ZNF618: variants seen among roughly 807,000 people sequenced by gnomAD.
The protein encoded by ZNF618 is neural precursor cell expressed, developmentally down-regulated 10.
A neutral mutation model predicts 103.0 loss-of-function variants in ZNF618; 34 were observed. The observed-to-expected ratio is 0.33, with a 90% CI of 0.25 to 0.44. The LOEUF is 0.44. Among genes scored for constraint, ZNF618 ranks in the 20% least tolerant of loss-of-function variants. ZNF618 has a pLI of 1.00. For missense variants in ZNF618, 1,059 were observed against 1,295.4 expected (o/e 0.82, Z 2.80); for synonymous variants, 551 against 542.2 (o/e 1.02, Z -0.23).
intron 1 of ZNF618, among the ~76,000 whole-genome samples, chr9:113,950,386 G>T (rs1462326063): frequency 6.6e-6 from 1 of 152,178 alleles, no homozygotes; most frequent in Non-Finnish European, 1.5e-5. Context: ...GATGTGGTCA[G>T]CTTGCCGGTG....
At chr9:113,995,291 CA>C (rs1435663052) in intron 3 of ZNF618, among the ~76,000 whole-genome samples, 6 of 135,158 alleles carry the variant, frequency 4.4e-5, no homozygotes, top group Admixed American at 1.5e-4. Flanking sequence ...CATTCTCCAA[CA>C]TTTTTTTTTT....
At chr9:113,905,270 T>G (rs117704910) in intron 1 of ZNF618, among the ~76,000 whole-genome samples, 3,354 of 152,316 alleles carry the variant, frequency 0.022, 79 homozygotes, top group Middle Eastern at 0.037. Context: ...TTAGCCAGGC[T>G]GGTCTTGAAC....
At chr9:114,048,463 A>G (rs1845852785) in intron 14 of ZNF618, among the ~76,000 whole-genome samples, 188 bp from the exon 15 acceptor site, 1 of 152,204 alleles carries the variant, frequency 6.6e-6, no homozygotes, top group Admixed American at 6.5e-5. Flanking sequence ...AGGCCTTACT[A>G]ATCAATCATA....
intron 10 of ZNF618, 128 bp downstream of exon 10, chr9:114,016,912 C>G (rs1842693233): frequency 1.4e-6 from 1 of 700,758 alleles, no homozygotes; most frequent in African/African-American, 1.8e-5. Context: ...CTGGGTCAGT[C>G]TTTAGGTATT....
chr9:114,032,573 C>T (rs1335859343), intron 11 of ZNF618, 72 bp from the exon 12 acceptor site: 2 of 1,445,774 alleles, frequency 1.4e-6, no homozygotes, highest in Admixed American at 1.7e-5. Flanking sequence ...CTTCACCCAG[C>T]CTACCCCTCC....
chr9:113,971,403 A>G (rs1837950152), intron 2 of ZNF618, among the ~76,000 whole-genome samples: 1 of 152,098 alleles, frequency 6.6e-6, no homozygotes, highest in South Asian at 2.1e-4. Flanking sequence ...GGGTCTAGCC[A>G]GCCTCTCCCA....
intron 3 of ZNF618, among the ~76,000 whole-genome samples, chr9:113,990,978 CTG>C (rs540624976): frequency 1.4e-3 from 211 of 152,310 alleles, no homozygotes; most frequent in African/African-American, 4.7e-3. Context: ...TCTTTGGTAT[CTG>C]TGTGTGTTAA....
intron 1 of ZNF618, among the ~76,000 whole-genome samples, chr9:113,923,601 G>T (rs1832832679): frequency 6.6e-6 from 1 of 152,030 alleles, no homozygotes; most frequent in Non-Finnish European, 1.5e-5. Context: ...ATTTTCAAGT[G>T]GTAAACCAGT....
Position 113,876,403 on chromosome 9 carries a change from C to A in ZNF618, c.23C>A (p.Ala8Glu). MNQPGGA[A>E]APQADGASAA... The stretch of plus-strand genomic sequence containing the variant: ...CCCATGAACCAGCCGGGCGGCGCGG[C>A]GGCTCCGCAGGTACGACGGGGGGCC... The change falls in exon 1 of 15, where the codon GCG becomes GAG. Residue 8 changes from alanine (A) to glutamate (E), a missense_variant. By Grantham distance (107) the Ala-to-Glu change is moderately radical. Coordinates refer to ENST00000374126, the MANE Select transcript of ZNF618 (RefSeq NM_001318042.2). 1 of 1,200,848 alleles carries A rather than the reference C, an allele frequency of 8.3e-7. No individual in the cohort carries two copies. Among genetic ancestry groups the A allele is most frequent in the Non-Finnish European group, 1.0e-6 (1 of 968,334 alleles). 74.4% of individuals were successfully genotyped at this position (1,200,848 alleles called of 1,614,324 possible).
At chr9:113,981,806 G>A (rs1839003822) in intron 2 of ZNF618, among the ~76,000 whole-genome samples, 1 of 152,240 alleles carries the variant, frequency 6.6e-6, no homozygotes. Context: ...CCTTGGCCAT[G>A]CCTTTCCTTC....
intron 14 of ZNF618, 47 bp downstream of exon 14, chr9:114,048,041 C>T: frequency 6.8e-7 from 1 of 1,476,274 alleles, no homozygotes; most frequent in South Asian, 1.2e-5. Flanking sequence ...CCTTATGCTC[C>T]AGTTGTTCCT....
intron 1 of ZNF618, among the ~76,000 whole-genome samples, chr9:113,955,146 CTTTTTTT>C (rs3034066): frequency 7.7e-6 from 1 of 130,552 alleles, no homozygotes; most frequent in Non-Finnish European, 1.6e-5. Flanking sequence ...AGTGACTTCT[CTTTTTTT>C]TTTTTTTTTG....
At chr9:113,993,379 G>A (rs527494460) in intron 3 of ZNF618, among the ~76,000 whole-genome samples, 3 of 152,350 alleles carry the variant, frequency 2.0e-5, no homozygotes, top group South Asian at 2.1e-4. Context: ...AGAGGTCTCT[G>A]CCAGTCAGCT....
chr9:113,924,398 GTCT>G lies in ZNF618; in HGVS notation c.34-44693_34-44691del, dbSNP rs139348803. 8.6e-4 allele frequency among the ~76,000 whole-genome samples: 120 copies of G among 139,942 alleles called. 2 individuals carry two copies. Among genetic ancestry groups the G allele is most frequent in the East Asian group, 5.5e-3 (27 of 4,936 alleles). 91.8% of individuals were successfully genotyped at this position (139,942 alleles called of 152,430 possible). On this transcript the variant is annotated intron_variant, in intron 1 of 14. Transcript: ENST00000374126. The stretch of plus-strand genomic sequence containing the variant: ...TCGATTTCTGATGTTAGTAATTTGT[GTCT>G]TCTTCTTCTTCTTCTTCTTCTTCTT...
At position 114,050,397 on chromosome 9, in the gene ZNF618, G is replaced by A. The variant is rs1488217479; in HGVS notation, c.*230G>A. 2.0e-6 allele frequency: 1 copy of A among 500,328 alleles called. No individual in the cohort carries two copies. Among genetic ancestry groups the A allele is most frequent in the Non-Finnish European group, 3.5e-6 (1 of 289,188 alleles). 31.0% of individuals were successfully genotyped at this position (500,328 alleles called of 1,614,324 possible). A position where few individuals can be genotyped will look rare whatever the true frequency, so the allele number is the denominator to read the frequency against. On this transcript the variant is annotated 3_prime_UTR_variant, in exon 15 of 15. Transcript: ENST00000374126. The stretch of plus-strand genomic sequence containing the variant: ...GTGCTGTGGTTGTGGGGGTGTGGGG[G>A]GGTCTCTGTGCTCATCTCCATGGCC...
intron 1 of ZNF618, among the ~76,000 whole-genome samples, chr9:113,891,502 T>C (rs1829618367): frequency 6.6e-6 from 1 of 152,086 alleles, no homozygotes. Flanking sequence ...TGTGGAGAAA[T>C]TGGAACTCTT....
At chr9:113,939,593 ATTAT>A (rs1284319010) in intron 1 of ZNF618, among the ~76,000 whole-genome samples, 1 of 152,136 alleles carries the variant, frequency 6.6e-6, no homozygotes, top group African/African-American at 2.4e-5. Flanking sequence ...ACACAGTAAA[ATTAT>A]TTAAATATTC....
At chr9:114,037,814 T>G (rs1463315880) in intron 13 of ZNF618, among the ~76,000 whole-genome samples, 2 of 152,180 alleles carry the variant, frequency 1.3e-5, no homozygotes, top group African/African-American at 2.4e-5. Flanking sequence ...TCAGATGATC[T>G]TTTTGGGGAG....
At chr9:113,958,720 T>C (rs1836551274) in intron 1 of ZNF618, among the ~76,000 whole-genome samples, 1 of 152,206 alleles carries the variant, frequency 6.6e-6, no homozygotes, top group African/African-American at 2.4e-5. Flanking sequence ...GGTGTACTGC[T>C]GGAGCCTGGG....
Sources: allele counts gnomAD v4.1 joint callset (sites outside exome capture counted in the v4.1 genomes callset), GRCh38; gene constraint gnomAD v4.1.1; transcripts MANE v1.5; gene names NCBI Gene and HGNC (gene_info 2026-07-23, HGNC 2026-07-21).